Variants in RUSF1 observed in about 807,000 individuals in gnomAD.
The protein encoded by RUSF1 is RUS family member 1.
In RUSF1, 58 loss-of-function variants were observed where a neutral mutation model predicts 63.0. That is an observed-to-expected ratio of 0.92 (90% confidence interval 0.75 to 1.15). The LOEUF (loss-of-function observed/expected upper bound fraction) is 1.15. Ranked by LOEUF, RUSF1 falls within the 50% of genes most tolerant of loss-of-function variation. The probability of loss-of-function intolerance (pLI) is 0.00; values close to 1 mark genes in which losing one functional copy is unlikely to be tolerated. For missense variants in RUSF1, 652 were observed against 611.0 expected (o/e 1.07, Z -0.71); for synonymous variants, 274 against 255.8 (o/e 1.07, Z -0.68).
At position 31,490,258 on chromosome 16, in the gene RUSF1, T is replaced by C; in HGVS notation, c.*577A>G. The C allele has an allele frequency of 6.2e-7, 1 of 1,613,996 alleles. No homozygotes were observed. Among genetic ancestry groups the C allele is most frequent in the Non-Finnish European group, 8.5e-7 (1 of 1,179,952 alleles). On this transcript the variant is annotated 3_prime_UTR_variant, in exon 13 of 13. Coordinates refer to ENST00000327237, the MANE Select transcript of RUSF1 (RefSeq NM_022744.4). ...AGGGCACCATGCTGGGAGGTGGGGCTGGAGGAGCTGAGTTCCCGCAAACTA... is the reference window on the plus strand; with the variant it reads ...AGGGCACCATGCTGGGAGGTGGGGCCGGAGGAGCTGAGTTCCCGCAAACTA...
At chr16:31,492,898 A>G (rs1249706889) in intron 10 of RUSF1, 80 bp downstream of exon 10, 1 of 1,431,640 alleles carries the variant, frequency 7.0e-7, no homozygotes, top group African/African-American at 1.4e-5. Context: ...AACTGCCCAG[A>G]GCTCGGGGCC....
intron 5 of RUSF1, among the ~76,000 whole-genome samples, chr16:31,497,772 C>T (rs2082611850): frequency 6.6e-6 from 1 of 152,222 alleles, no homozygotes; most frequent in African/African-American, 2.4e-5. Context: ...AGGAAACAGT[C>T]TGTTCAAAGG....
chr16:31,489,608 C>T lies in RUSF1; in HGVS notation c.*1227G>A. Reference sequence around the variant, plus strand: ...GCCTTTGGGACTCAAAACACAGGATCTGACTGGTGGGCACAATACCATCTT... The same window carrying T: ...GCCTTTGGGACTCAAAACACAGGATTTGACTGGTGGGCACAATACCATCTT... On this transcript the variant is annotated 3_prime_UTR_variant, in exon 13 of 13. Coordinates refer to ENST00000327237, the MANE Select transcript of RUSF1 (RefSeq NM_022744.4). The T allele has an allele frequency of 1.7e-6, 1 of 575,082 alleles. No individual in the cohort carries two copies. The highest frequency in any genetic ancestry group is 2.0e-5 in the South Asian group (1 of 49,612). The allele number at this position is 575,082 out of a possible 1,614,324, so 35.6% of individuals were successfully genotyped here.
At chr16:31,506,657 C>T (rs4889665) in intron 2 of RUSF1, among the ~76,000 whole-genome samples, 8,869 of 152,326 alleles carry the variant, frequency 0.058, 356 homozygotes, top group Non-Finnish European at 0.087. Flanking sequence ...GTGGCACATG[C>T]CTGTAATCCC....
chr16:31,504,649 C>T (rs1159099183), intron 2 of RUSF1, among the ~76,000 whole-genome samples: 3 of 152,180 alleles, frequency 2.0e-5, no homozygotes, highest in African/African-American at 7.2e-5. Flanking sequence ...AGTGCAGACA[C>T]GATGCCACCA....
At chr16:31,491,142 C>T (rs745734988) in intron 12 of RUSF1, among the ~76,000 whole-genome samples, 8 of 152,316 alleles carry the variant, frequency 5.3e-5, no homozygotes, top group Non-Finnish European at 1.2e-4. Flanking sequence ...AGGCGCCAGA[C>T]AAAACGTCCT....
chr16:31,497,633 G>A (rs1393938386), intron 5 of RUSF1, among the ~76,000 whole-genome samples: 2 of 152,160 alleles, frequency 1.3e-5, no homozygotes, highest in East Asian at 3.9e-4. Flanking sequence ...CACCGCCCCT[G>A]GCTGAGGGCT....
At position 31,493,008 on chromosome 16, in the gene RUSF1, A is replaced by G; in HGVS notation, c.1057T>C (p.Ser353Pro). 1 of 1,613,598 alleles carries G rather than the reference A, an allele frequency of 6.2e-7. No homozygotes were observed. Among genetic ancestry groups the G allele is most frequent in the Non-Finnish European group, 8.5e-7 (1 of 1,179,644 alleles). ...GACTGGTCCCAGCAGAGGAGGTAGG[A>G]TTCTTGGTGCCCCTCAACCAGCTGC... is the stretch of plus-strand genomic sequence containing the variant. ...LQQLVEGHQE[S>P]YLLCWDQSQN... The change falls in exon 10 of 13, where the codon TCC (serine) becomes CCC (proline). Residue 353 changes from serine (S) to proline (P), a missense_variant. Coordinates refer to ENST00000327237, the MANE Select transcript of RUSF1 (RefSeq NM_022744.4).
Position 31,508,341 on chromosome 16 carries a change from CA to C in RUSF1, c.32del (p.Leu11ArgfsTer100). On this transcript the variant is annotated frameshift_variant, in exon 1 of 13. Coordinates refer to ENST00000327237, the MANE Select transcript of RUSF1 (RefSeq NM_022744.4). LOFTEE classifies it high-confidence loss of function. MADDAGLETP[L>X]CSEQFGSGEA... ...CCCCGGAGCCGAACTGCTCGGAACA[CA>C]GCGGGGTCTCCAAACCCGCGTCGTC... 6.4e-7 allele frequency: 1 copy of C among 1,556,858 alleles called. No homozygotes were observed. The highest frequency in any genetic ancestry group is 1.2e-5 in the South Asian group (1 of 85,038).
intron 5 of RUSF1, among the ~76,000 whole-genome samples, chr16:31,497,704 T>C (rs1049049623): frequency 4.6e-5 from 7 of 152,124 alleles, no homozygotes; most frequent in Non-Finnish European, 8.8e-5. Flanking sequence ...GGCCCTGCCC[T>C]CATGGAGCAT....
intron 1 of RUSF1, 32 bp downstream of exon 1, chr16:31,508,042 C>G: frequency 6.3e-7 from 1 of 1,580,778 alleles, no homozygotes; most frequent in Non-Finnish European, 8.6e-7. Flanking sequence ...GAGTGGCCTG[C>G]ACTGTCCTCT....
intron 12 of RUSF1, among the ~76,000 whole-genome samples, chr16:31,491,216 C>A (rs891919485): frequency 1.3e-5 from 2 of 152,242 alleles, no homozygotes; most frequent in African/African-American, 2.4e-5. Flanking sequence ...ACTGGGATTA[C>A]ACAGACTGTC....
At chr16:31,496,095 T>TCA (rs1297777030) in intron 6 of RUSF1, among the ~76,000 whole-genome samples, 4 of 152,128 alleles carry the variant, frequency 2.6e-5, no homozygotes, top group Non-Finnish European at 2.9e-5. Flanking sequence ...AGAGTTTGTT[T>TCA]GTTTTTGAGA....
Position 31,500,722 on chromosome 16 carries a change from C to T in RUSF1, c.425G>A (p.Gly142Asp), listed in dbSNP as rs762333489. 17 of 1,611,702 alleles carry T rather than the reference C, an allele frequency of 1.1e-5. No individual in the cohort carries two copies. Among genetic ancestry groups the T allele is most frequent in the Non-Finnish European group, 1.4e-5 (16 of 1,178,366 alleles). The change falls in exon 3 of 13, where the codon GGC (glycine) becomes GAC (aspartate). Residue 142 changes from glycine (G) to aspartate (D), a missense_variant. Gly to Asp is a moderately conservative substitution (Grantham distance 94, BLOSUM62 -1). Coordinates refer to ENST00000327237, the MANE Select transcript of RUSF1 (RefSeq NM_022744.4). ...TATWLVKDST[G>D]MLGRIVFAWW... ...GGCAAAGACGATGCGGCCCAGCATG[C>T]CAGTTGAATCTGGGGGAAAGAAGGC...
chr16:31,494,459 TGAGCTGA>T, intron 6 of RUSF1, among the ~76,000 whole-genome samples: 1 of 151,198 alleles, frequency 6.6e-6, no homozygotes, highest in Non-Finnish European at 1.5e-5. Context: ...GAGGTTGCAG[TGAGCTGA>T]GATCACGCCA....
intron 11 of RUSF1, 25 bp from the exon 12 acceptor site, chr16:31,492,111 A>C: frequency 2.5e-6 from 4 of 1,614,096 alleles, no homozygotes; most frequent in Non-Finnish European, 1.7e-6. Flanking sequence ...GCAGAACCAG[A>C]AGCTCTGTGT....
chr16:31,507,654 T>C, intron 2 of RUSF1, 110 bp downstream of exon 2: 1 of 1,012,158 alleles, frequency 9.9e-7, no homozygotes, highest in Non-Finnish European at 1.5e-6. Context: ...TGGGGAGACC[T>C]GCCTGAATTC....
chr16:31,492,108 C>G (rs781083141), intron 11 of RUSF1, 22 bp from the exon 12 acceptor site: 30 of 1,614,010 alleles, frequency 1.9e-5, no homozygotes, highest in Non-Finnish European at 2.5e-5. Flanking sequence ...GGTGCAGAAC[C>G]AGAAGCTCTG....
Position 31,492,097 on chromosome 16 carries a change from G to A in RUSF1, c.1232-11C>T. On this transcript the variant is annotated splice_polypyrimidine_tract_variant and intron_variant, in intron 11 of 12. Coordinates refer to ENST00000327237, the MANE Select transcript of RUSF1 (RefSeq NM_022744.4). ...TCTCTTTCTTAGGACCTGGGTACGG[G>A]GGTGCAGAACCAGAAGCTCTGTGTC... is the stretch of plus-strand genomic sequence containing the variant. 6.2e-7 allele frequency: 1 copy of A among 1,614,134 alleles called. No individual in the cohort carries two copies. Among genetic ancestry groups the A allele is most frequent in the South Asian group, 1.1e-5 (1 of 91,086 alleles).
Sources: allele counts gnomAD v4.1 joint callset (sites outside exome capture counted in the v4.1 genomes callset), GRCh38; gene constraint gnomAD v4.1.1; transcripts MANE v1.5; gene names NCBI Gene and HGNC (gene_info 2026-07-23, HGNC 2026-07-21).